The following PREX1 variants were observed in gnomAD, a reference collection of about 807,000 sequenced individuals.
PREX1 encodes phosphatidylinositol 3,4,5-trisphosphate-dependent Rac exchanger 1 protein.
Under a neutral mutation model 198.3 loss-of-function variants are expected in PREX1, and 41 were observed. The observed-to-expected ratio is 0.21, with a 90% CI of 0.16 to 0.27. PREX1 has a LOEUF of 0.27. Among genes scored for constraint, PREX1 ranks in the 10% least tolerant of loss-of-function variants. The pLI, the probability that PREX1 is intolerant of heterozygous loss-of-function variation, is 1.00. For missense variants in PREX1, 1,620 were observed against 2,200.7 expected (o/e 0.74, Z 5.28); for synonymous variants, 843 against 887.2 (o/e 0.95, Z 0.89).
rs1169210600 is a variant in PREX1 at position 48,782,757 on chromosome 20, C to T, written c.220-34877G>A. Among the ~76,000 whole-genome samples the T allele has an allele frequency of 4.6e-5, 7 of 152,030 alleles. No homozygotes were observed. The South Asian group carries it at 1.0e-3, about 23-fold the overall frequency. On this transcript the variant is annotated intron_variant, in intron 1 of 39. Coordinates refer to ENST00000371941, the MANE Select transcript of PREX1 (RefSeq NM_020820.4). ...ACAGCACAGGCAAGAACCTAGAGGC[C>T]GGGCTGTGTTTAGAGGGTCCATGGA...
chr20:48,688,533 C>T (rs1601077589), intron 10 of PREX1, 124 bp downstream of exon 10: 1 of 1,296,566 alleles, frequency 7.7e-7, no homozygotes, highest in East Asian at 2.3e-5. Flanking sequence ...GATTCAGGTC[C>T]TTTTGTCACT....
At chr20:48,829,781 A>G (rs1410258868), upstream of PREX1, among the ~76,000 whole-genome samples, 1 of 152,200 alleles carries the variant, frequency 6.6e-6, no homozygotes, top group Non-Finnish European at 1.5e-5. Context: ...ATAATGGACC[A>G]TGGAATGAAG....
rs558537165 is a variant in PREX1, at chr20:48,631,399, G to A, written c.4527-605C>T. ...AGAATATATGCTCCATGAAGAACAG[G>A]ACTTTGTTTTGCTCACTGCACATTC... On this transcript the variant is annotated intron_variant, in intron 35 of 39. Transcript: ENST00000371941. Among the ~76,000 whole-genome samples the A allele has an allele frequency of 3.3e-5, 5 of 152,290 alleles. No individual in the cohort carries two copies. In the South Asian group the frequency reaches 8.3e-4, roughly 25 times the overall value.
intron 29 of PREX1, among the ~76,000 whole-genome samples, chr20:48,641,033 G>A (rs987527960): frequency 6.6e-6 from 1 of 152,006 alleles, no homozygotes; most frequent in African/African-American, 2.4e-5. Context: ...GGATAGATGG[G>A]TGGATAGATG....
chr20:48,627,438 G>C (rs2089281677), intron 39 of PREX1, 110 bp downstream of exon 39: 2 of 1,235,898 alleles, frequency 1.6e-6, no homozygotes, highest in Non-Finnish European at 2.4e-6. Flanking sequence ...TAAATGAGAG[G>C]GGAAGCCCCA....
intron 17 of PREX1, 98 bp from the exon 18 acceptor site, chr20:48,657,286 G>C: frequency 9.2e-6 from 13 of 1,415,238 alleles, no homozygotes; most frequent in Non-Finnish European, 1.3e-5. Flanking sequence ...AAGGGTGCTG[G>C]CCCAAGGGAT....
chr20:48,772,308 G>A (rs2090239840), intron 1 of PREX1, among the ~76,000 whole-genome samples: 1 of 152,244 alleles, frequency 6.6e-6, no homozygotes, highest in Non-Finnish European at 1.5e-5. Context: ...TTTCTTGGGT[G>A]GCACAGGTAT....
rs1348321624 is a variant in PREX1 at position 48,688,699 on chromosome 20, C to T, written c.1292G>A (p.Arg431His). 17 of 1,614,050 alleles carry T rather than the reference C, an allele frequency of 1.1e-5. No homozygotes were observed. The highest frequency in any genetic ancestry group is 1.3e-5 in the African/African-American group (1 of 74,922). ...GGGGACAGTGCTCAGCTTTCTCCGG[C>T]GGTCCTTGATGAGGTTCACCTTCTT... ...MNKKVNLIKD[R>H]RRKLSTVPKC... Residue 431 changes from arginine (R) to histidine (H), a missense_variant, in exon 10 of 40, where the codon CGC (arginine) becomes CAC (histidine). Physicochemically the swap from Arg to His is conservative, Grantham distance 29. Around this residue, in one of 7 missense-constraint regions of PREX1, gnomAD observed 488 missense variants for 802.5 expected, o/e 0.61. Transcript: ENST00000371941.
chr20:48,627,652 G>T, intron 38 of PREX1, 37 bp from the exon 39 acceptor site: 1 of 1,544,506 alleles, frequency 6.5e-7, no homozygotes, highest in Non-Finnish European at 8.9e-7. Flanking sequence ...GCCTCTGCAG[G>T]TTCAGGGCAC....
At chr20:48,709,902 T>G (rs6019386) in intron 5 of PREX1, among the ~76,000 whole-genome samples, 84,436 of 152,056 alleles carry the variant, frequency 0.56, 24,871 homozygotes, top group African/African-American at 0.76. Context: ...CTTATTTTCT[T>G]CCCTGTCCGA....
intron 5 of PREX1, among the ~76,000 whole-genome samples, chr20:48,710,703 G>A (rs907858451): frequency 6.6e-6 from 1 of 152,244 alleles, no homozygotes; most frequent in Non-Finnish European, 1.5e-5. Flanking sequence ...GGGACAATGA[G>A]TGAGGGAAGT....
chr20:48,652,178 T>C (rs919011167), intron 21 of PREX1, among the ~76,000 whole-genome samples: 3 of 152,048 alleles, frequency 2.0e-5, no homozygotes, highest in Non-Finnish European at 4.4e-5. Flanking sequence ...ACACCTGTAA[T>C]CCCAGCACTC....
intron 1 of PREX1, among the ~76,000 whole-genome samples, chr20:48,766,988 G>T (rs921741305): frequency 5.3e-5 from 8 of 152,168 alleles, no homozygotes; most frequent in Non-Finnish European, 1.2e-4. Flanking sequence ...CCTCCTCTCT[G>T]GGCCTCAGTT....
chr20:48,732,778 T>A (rs2090039979), intron 4 of PREX1, among the ~76,000 whole-genome samples: 1 of 152,080 alleles, frequency 6.6e-6, no homozygotes, highest in South Asian at 2.1e-4. Flanking sequence ...TGTGGCTGAG[T>A]GCTGGCCGAT....
intron 1 of PREX1, among the ~76,000 whole-genome samples, chr20:48,773,617 G>A (rs1173681604): frequency 3.3e-5 from 5 of 152,220 alleles, no homozygotes; most frequent in African/African-American, 1.2e-4. Flanking sequence ...CACCTGCAGA[G>A]GAACTGAGGC....
the PREX1 span, among the ~76,000 whole-genome samples, chr20:48,847,461 G>A: frequency 7.3e-5 from 11 of 151,216 alleles, no homozygotes; most frequent in Non-Finnish European, 1.2e-4. Flanking sequence ...TGTATAGGCC[G>A]TGTTGTTTTT....
chr20:48,882,143 A>C, the PREX1 span, among the ~76,000 whole-genome samples: 2 of 152,194 alleles, frequency 1.3e-5, no homozygotes, highest in Non-Finnish European at 2.9e-5. Context: ...TTTTGTTTAG[A>C]CAACCATCAA....
chr20:48,723,846 G>A (rs1453379052), intron 5 of PREX1, among the ~76,000 whole-genome samples: 3 of 152,108 alleles, frequency 2.0e-5, no homozygotes, highest in Non-Finnish European at 2.9e-5. Context: ...AGAGTCCACC[G>A]TACACACAGG....
At chr20:48,806,090 G>C (rs1026839181) in intron 1 of PREX1, among the ~76,000 whole-genome samples, 1 of 152,120 alleles carries the variant, frequency 6.6e-6, no homozygotes, top group Non-Finnish European at 1.5e-5. Context: ...GACTCTACCT[G>C]CTTCATGACA....
Sources: allele counts gnomAD v4.1 joint callset (sites outside exome capture counted in the v4.1 genomes callset), GRCh38; gene constraint gnomAD v4.1.1; regional missense constraint gnomAD v4.1.1; transcripts MANE v1.5; gene names NCBI Gene and HGNC (gene_info 2026-07-23, HGNC 2026-07-21).